EXOC4: variants seen among roughly 807,000 people sequenced by gnomAD.
EXOC4 encodes SEC8-like 1.
In EXOC4, 71 loss-of-function variants were observed where a neutral mutation model predicts 107.2. The ratio of observed to expected loss-of-function variants is 0.66; its 90% CI spans 0.55 to 0.81. The LOEUF (loss-of-function observed/expected upper bound fraction) is 0.81. EXOC4 is among the 30% of genes least tolerant of loss of function. EXOC4 has a pLI of 0.00. For missense variants in EXOC4, 1,108 were observed against 1,189.6 expected (o/e 0.93, Z 1.01); for synonymous variants, 456 against 441.2 (o/e 1.03, Z -0.42).
chr7:133,348,143 C>T (rs1243804007), intron 5 of EXOC4, among the ~76,000 whole-genome samples: 1 of 152,084 alleles, frequency 6.6e-6, no homozygotes, highest in East Asian at 1.9e-4. Context: ...ATAATTCTAC[C>T]TGACCTCACA....
chr7:133,365,925 A>G (rs1242639733), intron 6 of EXOC4, among the ~76,000 whole-genome samples: 1 of 152,190 alleles, frequency 6.6e-6, no homozygotes, highest in African/African-American at 2.4e-5. Context: ...TTTAGAGCAT[A>G]ATCGTAGGGA....
chr7:133,356,719 G>A (rs1286594551), intron 6 of EXOC4, 146 bp downstream of exon 6: 7 of 938,058 alleles, frequency 7.5e-6, no homozygotes, highest in South Asian at 1.7e-5. Flanking sequence ...AGTGGCTCAC[G>A]CCTGTTATCC....
At chr7:133,265,733 A>G (rs1793713226) in intron 1 of EXOC4, among the ~76,000 whole-genome samples, 1 of 152,208 alleles carries the variant, frequency 6.6e-6, no homozygotes, top group South Asian at 2.1e-4. Flanking sequence ...CTGGATGCCA[A>G]CAAGGAATGT....
At chr7:133,881,496 CTCTT>C (rs1798966326) in intron 11 of EXOC4, among the ~76,000 whole-genome samples, 1 of 152,166 alleles carries the variant, frequency 6.6e-6, no homozygotes, top group African/African-American at 2.4e-5. Context: ...GTCCAATTAA[CTCTT>C]TCTTCTTCTG....
intron 10 of EXOC4, among the ~76,000 whole-genome samples, chr7:133,672,072 A>G (rs1333062871): frequency 6.6e-6 from 1 of 152,190 alleles, no homozygotes; most frequent in African/African-American, 2.4e-5. Flanking sequence ...GCCACTAGTC[A>G]TGTGTGGATA....
intron 10 of EXOC4, among the ~76,000 whole-genome samples, chr7:133,688,098 C>G (rs2014036): frequency 0.99 from 150,042 of 152,298 alleles, 73,958 homozygotes; most frequent in Middle Eastern, 1. Context: ...GAGTTAAAAT[C>G]GTGATTGAGA....
intron 14 of EXOC4, among the ~76,000 whole-genome samples, chr7:133,981,610 G>T (rs1793980239): frequency 6.6e-6 from 1 of 151,914 alleles, no homozygotes; most frequent in Non-Finnish European, 1.5e-5. Flanking sequence ...ACAAATGCTG[G>T]TAAGGTTGTG....
intron 9 of EXOC4, among the ~76,000 whole-genome samples, chr7:133,521,443 A>C (rs1200409430): frequency 6.6e-6 from 1 of 152,192 alleles, no homozygotes; most frequent in East Asian, 1.9e-4. Flanking sequence ...ATAAAATTGG[A>C]AAGTATTTAT....
At chr7:133,763,890 C>G (rs1235453978) in intron 10 of EXOC4, among the ~76,000 whole-genome samples, 1 of 151,882 alleles carries the variant, frequency 6.6e-6, no homozygotes, top group African/African-American at 2.4e-5. Context: ...CTCTAACAGT[C>G]CCAGGATTTA....
At chr7:133,855,094 T>TATATATAA (rs1554409758) in intron 11 of EXOC4, among the ~76,000 whole-genome samples, 2,972 of 79,870 alleles carry the variant, frequency 0.037, 77 homozygotes, top group African/African-American at 0.045. Flanking sequence ...TATATATAAA[T>TATATATAA]ATATATATAA....
At chr7:134,063,023 T>A (rs1280666041) in intron 17 of EXOC4, among the ~76,000 whole-genome samples, 1 of 152,236 alleles carries the variant, frequency 6.6e-6, no homozygotes, top group African/African-American at 2.4e-5. Flanking sequence ...CACAGTAATC[T>A]TCCAGAAGCA....
chr7:133,529,464 C>T (rs1257014457), intron 9 of EXOC4, among the ~76,000 whole-genome samples: 4 of 152,152 alleles, frequency 2.6e-5, no homozygotes. Flanking sequence ...TATTTTATAT[C>T]AGATGCTTAG....
intron 7 of EXOC4, among the ~76,000 whole-genome samples, chr7:133,473,823 C>T (rs192705252): frequency 0.011 from 1,640 of 152,108 alleles, 15 homozygotes; most frequent in Non-Finnish European, 0.018. Context: ...GCCTCAGCCT[C>T]CTGAGTAGCT....
chr7:133,330,553 G>A (rs1272373303), intron 5 of EXOC4, among the ~76,000 whole-genome samples: 3 of 152,184 alleles, frequency 2.0e-5, no homozygotes, highest in Admixed American at 6.5e-5. Flanking sequence ...CCCTGGTGGT[G>A]TAGGCACTGG....
At chr7:133,351,645 A>C (rs372851079) in intron 5 of EXOC4, among the ~76,000 whole-genome samples, 1 of 151,828 alleles carries the variant, frequency 6.6e-6, no homozygotes, top group East Asian at 1.9e-4. Flanking sequence ...CTTTGATTTA[A>C]TCAGTTTTTG....
chr7:133,701,761 G>T (rs1794659809), intron 10 of EXOC4, among the ~76,000 whole-genome samples: 1 of 151,832 alleles, frequency 6.6e-6, no homozygotes, highest in African/African-American at 2.4e-5. Flanking sequence ...CTTAAGGTTG[G>T]ACCCCAGTCT....
chr7:133,790,647 C>G (rs1796683289), intron 10 of EXOC4, among the ~76,000 whole-genome samples: 1 of 152,236 alleles, frequency 6.6e-6, no homozygotes, highest in Non-Finnish European at 1.5e-5. Context: ...GTTACTAGAG[C>G]TAGGTTGTCC....
chr7:133,592,050 G>A (rs564145976), intron 9 of EXOC4, among the ~76,000 whole-genome samples: 1 of 151,980 alleles, frequency 6.6e-6, no homozygotes, highest in Non-Finnish European at 1.5e-5. Context: ...TTCTTTGCAG[G>A]CATTTCTTTT....
At chr7:133,989,173 T>C (rs1343419124) in intron 14 of EXOC4, among the ~76,000 whole-genome samples, 1 of 151,420 alleles carries the variant, frequency 6.6e-6, no homozygotes, top group Non-Finnish European at 1.5e-5. Flanking sequence ...CTAGAGAGAG[T>C]CAAAAATTAC....
Sources: gnomAD v4.1 joint callset for allele counts (sites outside exome capture counted in the v4.1 genomes callset) on GRCh38, gnomAD v4.1.1 for gene constraint, MANE v1.5 for transcripts, NCBI Gene and HGNC (gene_info 2026-07-23, HGNC 2026-07-21) for gene names.